Variants in FAM114A1 observed in about 807,000 individuals in gnomAD.
FAM114A1 encodes the protein family with sequence similarity 114 member A1.
A neutral mutation model predicts 64.3 loss-of-function variants in FAM114A1; 62 were observed. The observed-to-expected ratio is 0.96, with a 90% confidence interval of 0.79 to 1.19. The LOEUF (loss-of-function observed/expected upper bound fraction) is 1.19. FAM114A1 is among the 50% of genes most tolerant of loss of function. The pLI is 0.00. For missense variants in FAM114A1, 645 were observed against 676.3 expected (o/e 0.95, Z 0.51); for synonymous variants, 254 against 251.1 (o/e 1.01, Z -0.11).
chr4:38,925,048 TGTAA>T (rs1227489479), intron 9 of FAM114A1, among the ~76,000 whole-genome samples: 24 of 152,362 alleles, frequency 1.6e-4, no homozygotes, highest in African/African-American at 4.8e-4. Context: ...AAAATGTTGC[TGTAA>T]GTGATGTGTT....
At position 38,944,406 on chromosome 4, in the gene FAM114A1, C is replaced by T. The variant is rs565425657; in HGVS notation, c.*849C>T. On this transcript the variant is annotated 3_prime_UTR_variant, in exon 15 of 15. Coordinates refer to ENST00000358869, the MANE Select transcript of FAM114A1 (RefSeq NM_138389.4). The stretch of plus-strand genomic sequence containing the variant: ...CTTGCAACAAGCATTTATTGAGCAC[C>T]TACTGTGTGCTCACAGTAAAGAAAC... 1 of 152,266 alleles carries T rather than the reference C, an allele frequency of 6.6e-6. No homozygotes were observed. The highest frequency in any genetic ancestry group is 2.1e-4 in the South Asian group (1 of 4,828). 9.4% of individuals were successfully genotyped at this position (152,266 alleles called of 1,614,324 possible).
At chr4:38,897,048 T>C (rs1717007327) in intron 4 of FAM114A1, among the ~76,000 whole-genome samples, 1 of 152,162 alleles carries the variant, frequency 6.6e-6, no homozygotes, top group South Asian at 2.1e-4. Context: ...TAGTTAGAAC[T>C]GTTGAGAGTT....
At position 38,908,716 on chromosome 4, in the gene FAM114A1, C is replaced by A. The variant is rs765281935; in HGVS notation, c.782C>A (p.Ser261Tyr). 1.2e-5 allele frequency: 19 copies of A among 1,601,214 alleles called. No homozygotes were observed. In the African/African-American group the frequency reaches 2.5e-4, roughly 21 times the overall value. ...AAGACGCTCATGGAGAGAACTGTTT[C>A]CTTGTCTCAGGTTGGATTATATACG... ...RTKTLMERTV[S>Y]LSQMLREAKE... Residue 261 changes from serine to tyrosine, a missense_variant, in exon 7 of 15, where the codon TCC becomes TAC. Physicochemically the swap from Ser to Tyr is moderately radical, Grantham distance 144 (BLOSUM62 -2). Transcript: ENST00000358869.
At chr4:38,914,347 T>C (rs1718838968) in intron 7 of FAM114A1, among the ~76,000 whole-genome samples, 1 of 151,878 alleles carries the variant, frequency 6.6e-6, no homozygotes, top group Non-Finnish European at 1.5e-5. Context: ...GGAGGATCAC[T>C]TGAGGTCAGG....
intron 8 of FAM114A1, among the ~76,000 whole-genome samples, chr4:38,921,600 C>A (rs765090481): frequency 3.3e-5 from 5 of 152,110 alleles, no homozygotes; most frequent in Non-Finnish European, 7.4e-5. Context: ...AGGATAGTTT[C>A]AAAAGAGGGG....
intron 12 of FAM114A1, among the ~76,000 whole-genome samples, chr4:38,933,734 A>G (rs1386353738): frequency 2.0e-5 from 3 of 152,226 alleles, no homozygotes; most frequent in African/African-American, 7.2e-5. Context: ...AAATTAACAT[A>G]GGCCTAAGTA....
chr4:38,929,476 A>C (rs13150445), intron 10 of FAM114A1, 143 bp downstream of exon 10: 158,880 of 641,218 alleles, frequency 0.25, 23,519 homozygotes, highest in East Asian at 0.55. Context: ...GTTTGAGGTC[A>C]GTAATTAAGA....
At chr4:38,870,910 G>A (rs1181603669) in intron 2 of FAM114A1, among the ~76,000 whole-genome samples, 1 of 152,024 alleles carries the variant, frequency 6.6e-6, no homozygotes, top group African/African-American at 2.4e-5. Flanking sequence ...CCCCCATCAT[G>A]ATAGCATCCA....
chr4:38,915,744 GGTGTGTGTGT>G (rs58018099), intron 8 of FAM114A1, among the ~76,000 whole-genome samples: 1,404 of 139,206 alleles, frequency 0.01, 15 homozygotes, highest in African/African-American at 0.029. Flanking sequence ...CATCTATAGT[GGTGTGTGTGT>G]GTGTGTGTGT....
At chr4:38,913,026 C>A (rs1718704668) in intron 7 of FAM114A1, among the ~76,000 whole-genome samples, 1 of 152,138 alleles carries the variant, frequency 6.6e-6, no homozygotes, top group African/African-American at 2.4e-5. Flanking sequence ...TGGCAGATAA[C>A]CTCGAGAACC....
intron 6 of FAM114A1, 133 bp downstream of exon 6, chr4:38,905,994 T>C (rs1717966440): frequency 1.4e-6 from 1 of 727,384 alleles, no homozygotes; most frequent in South Asian, 2.2e-5. Flanking sequence ...TGGTTTTTTT[T>C]TTAATGTTTT....
intron 6 of FAM114A1, among the ~76,000 whole-genome samples, chr4:38,906,125 C>T (rs768229795): frequency 6.6e-6 from 1 of 152,136 alleles, no homozygotes; most frequent in Non-Finnish European, 1.5e-5. Context: ...TAACAGTGTC[C>T]TTTCCAGCTG....
chr4:38,927,730 C>T (rs1370797710), intron 9 of FAM114A1, among the ~76,000 whole-genome samples: 3 of 152,230 alleles, frequency 2.0e-5, no homozygotes, highest in Non-Finnish European at 4.4e-5. Context: ...GTCACCCAGG[C>T]TAGAGTGCAG....
chr4:38,877,687 G>A (rs749759692), intron 2 of FAM114A1, among the ~76,000 whole-genome samples: 18 of 152,158 alleles, frequency 1.2e-4, no homozygotes, highest in East Asian at 1.9e-4. Flanking sequence ...TGCCCTGGCC[G>A]GGCGCGGTGG....
rs756735986 is a variant in FAM114A1, at chr4:38,941,012, A to G, written c.1581A>G (p.Val527=). The G allele has an allele frequency of 1.2e-6, 2 of 1,613,218 alleles. No homozygotes were observed. The highest frequency in any genetic ancestry group is 1.7e-6 in the Non-Finnish European group (2 of 1,179,510). Residue 527 remains valine, a synonymous_variant, in exon 14 of 15, where the codon GTA becomes GTG. Transcript: ENST00000358869. ...TCCTTAACCCCATGATCAGTAGTGT[A>G]TTGTTAGAGGTAAGTGGCCTCTGGA... ...AEVLNPMISS[V]LLEGCNSTTY... is the part of the protein sequence containing the mutation.
chr4:38,898,138 A>G (rs1717129652), intron 4 of FAM114A1, among the ~76,000 whole-genome samples: 1 of 152,226 alleles, frequency 6.6e-6, no homozygotes, highest in South Asian at 2.1e-4. Context: ...AGTAGAATAC[A>G]GTAATTTATT....
At chr4:38,899,769 C>A (rs1717321991) in intron 4 of FAM114A1, among the ~76,000 whole-genome samples, 1 of 152,150 alleles carries the variant, frequency 6.6e-6, no homozygotes, top group Non-Finnish European at 1.5e-5. Flanking sequence ...ATTTCCTACA[C>A]ACACACACAT....
At chr4:38,881,415 C>T (rs1469165086) in intron 3 of FAM114A1, among the ~76,000 whole-genome samples, 1 of 152,036 alleles carries the variant, frequency 6.6e-6, no homozygotes, top group Non-Finnish European at 1.5e-5. Flanking sequence ...AATAGAGCAC[C>T]ACGGAATTAC....
chr4:38,933,628 A>G (rs1460280740), intron 12 of FAM114A1, among the ~76,000 whole-genome samples: 1 of 152,240 alleles, frequency 6.6e-6, no homozygotes, highest in Admixed American at 6.5e-5. Flanking sequence ...ATATACATGA[A>G]AATAGTTGAT....
Sources: allele counts gnomAD v4.1 joint callset (sites outside exome capture counted in the v4.1 genomes callset), GRCh38; gene constraint gnomAD v4.1.1; transcripts MANE v1.5; gene names NCBI Gene and HGNC (gene_info 2026-07-23, HGNC 2026-07-21).